TMEM80: variants seen among roughly 807,000 people sequenced by gnomAD.
TMEM80 encodes the protein transmembrane protein 80.
Under a neutral mutation model 13.6 loss-of-function variants are expected in TMEM80, and 16 were observed. The observed-to-expected ratio is 1.17, with a 90% CI of 0.79 to 1.78. TMEM80 has a LOEUF of 1.78. Among genes scored for constraint, TMEM80 ranks in the 40% most tolerant of loss-of-function variants. TMEM80 has a pLI of 0.00. For synonymous variants in TMEM80, 92 were observed against 89.5 expected (o/e 1.03, Z -0.16); for missense variants, 167 against 184.6 (o/e 0.90, Z 0.55).
At chr11:702,213 C>G (rs1313126277) in intron 4 of TMEM80, among the ~76,000 whole-genome samples, 1 of 152,254 alleles carries the variant, frequency 6.6e-6, no homozygotes, top group Non-Finnish European at 1.5e-5. Context: ...GCCCATCCCA[C>G]TGAGGGGTGC....
chr11:703,592 C>T lies in TMEM80; in HGVS notation c.*442C>T. 1 of 1,233,278 alleles carries T rather than the reference C, an allele frequency of 8.1e-7. No homozygotes were observed. Among genetic ancestry groups the T allele is most frequent in the Non-Finnish European group, 1.0e-6 (1 of 988,956 alleles). 76.4% of individuals were successfully genotyped at this position (1,233,278 alleles called of 1,614,324 possible). A position where few individuals can be genotyped will look rare whatever the true frequency, so the allele number is the denominator to read the frequency against. ...ATTTGTGTTCTGAGATCCCAGTTTACTCCGTGGCCAGGCCCCACCTGTGTT... is the reference window on the plus strand; with the variant it reads ...ATTTGTGTTCTGAGATCCCAGTTTATTCCGTGGCCAGGCCCCACCTGTGTT... On this transcript the variant is annotated 3_prime_UTR_variant, in exon 5 of 5. Transcript: ENST00000397510.
intron 1 of TMEM80, among the ~76,000 whole-genome samples, chr11:696,662 A>C (rs1402464811): frequency 7.0e-6 from 1 of 143,508 alleles, no homozygotes; most frequent in African/African-American, 2.6e-5. Context: ...GCTATTCTGG[A>C]GGCTGAGGCT....
chr11:695,693 G>A (rs959127352), upstream of TMEM80: 19 of 1,243,076 alleles, frequency 1.5e-5, no homozygotes, highest in Admixed American at 4.2e-4. Flanking sequence ...CTCGGCCGTG[G>A]CTCGGACGTC....
At chr11:704,226 C>A, downstream of TMEM80, 2 of 909,428 alleles carry the variant, frequency 2.2e-6, no homozygotes, top group Non-Finnish European at 2.9e-6. Context: ...TCCTGGCTGG[C>A]CTCGCCCTCG....
chr11:700,536 A>G, intron 3 of TMEM80, 79 bp from the exon 4 acceptor site: 1 of 1,228,134 alleles, frequency 8.1e-7, no homozygotes. Context: ...CAAAAAAAAA[A>G]AAAAGGAAAA....
intron 4 of TMEM80, 199 bp downstream of exon 4, chr11:700,906 C>T (rs1453823792): frequency 3.2e-6 from 2 of 617,820 alleles, no homozygotes; most frequent in African/African-American, 3.7e-5. Context: ...ACAAATAACA[C>T]TGGGGGCATC....
At position 703,700 on chromosome 11, in the gene TMEM80, G is replaced by T. The variant is rs560222327; in HGVS notation, c.*550G>T. ...CTCTGCCTCACAGGCAGGCAGGCCCGGTGCAAGAGTGGACTCTGGGTTCCT... is the reference window on the plus strand; with the variant it reads ...CTCTGCCTCACAGGCAGGCAGGCCCTGTGCAAGAGTGGACTCTGGGTTCCT... On this transcript the variant is annotated 3_prime_UTR_variant, in exon 5 of 5. Coordinates refer to ENST00000397510, the MANE Select transcript of TMEM80 (RefSeq NM_001042463.3). The T allele has an allele frequency of 6.1e-5, 75 of 1,232,322 alleles. No individual in the cohort carries two copies. In the East Asian group the frequency reaches 2.3e-3, roughly 38 times the overall value. The allele number at this position is 1,232,322 out of a possible 1,614,324, so 76.3% of individuals were successfully genotyped here. A position where few individuals can be genotyped will look rare whatever the true frequency, so the allele number is the denominator to read the frequency against.
At chr11:696,610 C>T (rs577828968) in intron 1 of TMEM80, among the ~76,000 whole-genome samples, 3 of 145,408 alleles carry the variant, frequency 2.1e-5, no homozygotes, top group African/African-American at 7.6e-5. Flanking sequence ...AAAAAAAAAA[C>T]TGTAAACATC....
At chr11:701,726 A>G (rs77121476) in intron 4 of TMEM80, among the ~76,000 whole-genome samples, 7,857 of 151,980 alleles carry the variant, frequency 0.052, 389 homozygotes, top group East Asian at 0.19. Flanking sequence ...GGGTTTCGCT[A>G]TGTTACCCTG....
At position 695,859 on chromosome 11, in the gene TMEM80, G is replaced by C. The variant is rs1013327609; in HGVS notation, c.19+13G>C. The C allele has an allele frequency of 2.4e-6, 3 of 1,228,312 alleles. No individual in the cohort carries two copies. Among genetic ancestry groups the C allele is most frequent in the South Asian group, 4.0e-5 (1 of 24,774 alleles). The allele number at this position is 1,228,312 out of a possible 1,614,324, so 76.1% of individuals were successfully genotyped here. A position where few individuals can be genotyped will look rare whatever the true frequency, so the allele number is the denominator to read the frequency against. On this transcript the variant is annotated intron_variant, in intron 1 of 4. Coordinates refer to ENST00000397510, the MANE Select transcript of TMEM80 (RefSeq NM_001042463.3). ...GCCCCGCGGCGAGGTGAGCTCGGGC[G>C]GGGTGGGGGCTTCCGGGCTTGCAGC...
At chr11:695,867 G>A (rs1861118914) in intron 1 of TMEM80, 21 bp downstream of exon 1, 1 of 1,226,502 alleles carries the variant, frequency 8.2e-7, no homozygotes, top group African/African-American at 1.6e-5. Context: ...GCGGGGTGGG[G>A]GCTTCCGGGC....
At position 703,499 on chromosome 11, in the gene TMEM80, G is replaced by C; in HGVS notation, c.*349G>C. The C allele has an allele frequency of 8.0e-7, 1 of 1,254,280 alleles. No homozygotes were observed. The highest frequency in any genetic ancestry group is 3.5e-5 in the South Asian group (1 of 28,760). 77.7% of individuals were successfully genotyped at this position (1,254,280 alleles called of 1,614,324 possible). A position where few individuals can be genotyped will look rare whatever the true frequency, so the allele number is the denominator to read the frequency against. ...GCCCCCAGGGCCGAGAGGGAGGACA[G>C]AGCCCTTCAGAACAGAGGCCTCATC... On this transcript the variant is annotated 3_prime_UTR_variant, in exon 5 of 5. Transcript: ENST00000397510.
chr11:699,751 C>CA (rs891952478), intron 2 of TMEM80: 1,641 of 166,000 alleles, frequency 9.9e-3, no homozygotes, highest in South Asian at 0.028. Context: ...GACTCTATCT[C>CA]AAAAAAAAAA....
At position 700,708 on chromosome 11, in the gene TMEM80, G is replaced by A. The variant is rs751842672; in HGVS notation, c.226+1G>A. 6.2e-7 allele frequency: 1 copy of A among 1,613,354 alleles called. No homozygotes were observed. The highest frequency in any genetic ancestry group is 1.1e-5 in the South Asian group (1 of 91,072). On this transcript the variant is annotated splice_donor_variant, in intron 4 of 4. Coordinates refer to ENST00000397510, the MANE Select transcript of TMEM80 (RefSeq NM_001042463.3). LOFTEE classifies it high-confidence loss of function. ...CTAGAAGCAGTTCGGTTATACCTGG[G>A]TGAGTGGACTGTTAACACCGTGAAG... is the stretch of plus-strand genomic sequence containing the variant.
At chr11:704,595 C>A (rs1453530454), downstream of TMEM80, 7 of 1,265,346 alleles carry the variant, frequency 5.5e-6, no homozygotes, top group East Asian at 2.4e-4. Flanking sequence ...ACCATGCAGA[C>A]CAGGGAAGGA....
downstream of TMEM80, chr11:704,416 T>A: frequency 7.8e-7 from 1 of 1,282,470 alleles, no homozygotes; most frequent in Non-Finnish European, 1.0e-6. Context: ...TGGGCCGACT[T>A]CCTTTGACCT....
In TMEM80 at chr11:703,074, T is replaced by G; in HGVS notation, c.356T>G (p.Leu119Arg). 1 of 1,612,640 alleles carries G rather than the reference T, an allele frequency of 6.2e-7. No individual in the cohort carries two copies. The highest frequency in any genetic ancestry group is 1.7e-4 in the Middle Eastern group (1 of 6,060). Residue 119 changes from leucine (L) to arginine (R), a missense_variant, in exon 5 of 5, where the codon CTC becomes CGC. Leu to Arg is a moderately radical substitution (Grantham distance 102). Coordinates refer to ENST00000397510, the MANE Select transcript of TMEM80 (RefSeq NM_001042463.3). ...QALVLWADWALSATLLALHGL... is the reference protein window; with the variant it reads ...QALVLWADWARSATLLALHGL... ...CTAGTGTTGTGGGCGGACTGGGCCCTCAGCGCCACGCTCCTGGCCCTTCAC... is the reference window on the plus strand; with the variant it reads ...CTAGTGTTGTGGGCGGACTGGGCCCGCAGCGCCACGCTCCTGGCCCTTCAC...
At chr11:704,757 G>C, downstream of TMEM80, 2 of 774,102 alleles carry the variant, frequency 2.6e-6, no homozygotes, top group Non-Finnish European at 3.7e-6. Flanking sequence ...CGAGAGGCCA[G>C]CCTGGACTGT....
chr11:702,827 C>T, intron 4 of TMEM80, 118 bp from the exon 5 acceptor site: 1 of 1,010,458 alleles, frequency 9.9e-7, no homozygotes, highest in Non-Finnish European at 1.4e-6. Flanking sequence ...TCCCCAGGCC[C>T]CGGAGGAACG....
Sources: allele counts gnomAD v4.1 joint callset (sites outside exome capture counted in the v4.1 genomes callset), GRCh38; gene constraint gnomAD v4.1.1; transcripts MANE v1.5; gene names NCBI Gene and HGNC (gene_info 2026-07-23, HGNC 2026-07-21).